The following FHOD3 variants were observed in gnomAD, a reference collection of about 807,000 sequenced individuals.
The protein encoded by FHOD3 is FH1/FH2 domain-containing protein 3.
In FHOD3, 90 loss-of-function variants were observed where a neutral mutation model predicts 173.0. The ratio of observed to expected loss-of-function variants is 0.52; its 90% CI spans 0.44 to 0.62. The LOEUF (loss-of-function observed/expected upper bound fraction) is 0.62. Ranked by LOEUF, FHOD3 falls within the 20% of genes least tolerant of loss-of-function variation. FHOD3 has a pLI of 0.00. For missense variants in FHOD3, 1,945 were observed against 2,034.7 expected (o/e 0.96, Z 0.85); for synonymous variants, 828 against 823.0 (o/e 1.01, Z -0.10).
chr18:36,362,203 A>AC (rs963927577), intron 2 of FHOD3, among the ~76,000 whole-genome samples: 2 of 151,792 alleles, frequency 1.3e-5, no homozygotes, highest in African/African-American at 2.4e-5. Context: ...ATCAGATGTA[A>AC]CCCCCTGGGG....
intron 3 of FHOD3, among the ~76,000 whole-genome samples, chr18:36,387,699 G>A (rs894200062): frequency 2.6e-5 from 4 of 152,174 alleles, no homozygotes; most frequent in African/African-American, 7.2e-5. Flanking sequence ...TGAAATGTGT[G>A]CTAGATACCT....
In FHOD3 at chr18:36,762,889, A is replaced by G. The variant is rs371212797; in HGVS notation, c.4624+2107A>G. On this transcript the variant is annotated intron_variant, in intron 27 of 28. Transcript: ENST00000590592. ...CATAATATATAATATGTTAAATTTT[A>G]TATAATATGTGTATTATACACGTTA... 2.8e-4 allele frequency among the ~76,000 whole-genome samples: 41 copies of G among 147,838 alleles called. No homozygotes were observed. In the South Asian group the frequency reaches 8.6e-3, roughly 31 times the overall value.
intron 20 of FHOD3, among the ~76,000 whole-genome samples, chr18:36,735,757 A>C (rs1046854234): frequency 6.6e-6 from 1 of 152,156 alleles, no homozygotes; most frequent in Admixed American, 6.5e-5. Context: ...TCAACTTTCA[A>C]CTTTGGTCAC....
At chr18:36,649,532 C>A in intron 11 of FHOD3, 127 bp downstream of exon 11, 1 of 611,780 alleles carries the variant, frequency 1.6e-6, no homozygotes, top group Non-Finnish European at 2.7e-6. Flanking sequence ...CTTACTTACC[C>A]TGTTCACAGA....
chr18:36,442,236 T>C (rs1042365846), intron 3 of FHOD3, among the ~76,000 whole-genome samples: 2 of 152,210 alleles, frequency 1.3e-5, no homozygotes, highest in African/African-American at 2.4e-5. Flanking sequence ...TTTAAGTATG[T>C]GGCATTCTTT....
At chr18:36,540,266 A>G (rs968142652) in intron 5 of FHOD3, among the ~76,000 whole-genome samples, 7 of 152,256 alleles carry the variant, frequency 4.6e-5, no homozygotes, top group African/African-American at 1.7e-4. Context: ...GTCAGCACAC[A>G]GAGCAGCCAA....
At chr18:36,777,680 T>C (rs557719861) in intron 28 of FHOD3, 2 of 152,338 alleles carry the variant, frequency 1.3e-5, no homozygotes, top group African/African-American at 4.8e-5. Flanking sequence ...TGCTGCCCCA[T>C]AGAACAAATT....
intron 20 of FHOD3, among the ~76,000 whole-genome samples, chr18:36,737,143 G>A (rs767457819): frequency 6.6e-6 from 1 of 152,234 alleles, no homozygotes; most frequent in Middle Eastern, 3.4e-3. Flanking sequence ...AAATAAAATG[G>A]CAGGTGGCAA....
intron 25 of FHOD3, among the ~76,000 whole-genome samples, chr18:36,757,331 T>C (rs1184662383): frequency 1.3e-5 from 2 of 152,208 alleles, no homozygotes; most frequent in East Asian, 3.9e-4. Context: ...CATTAGGATA[T>C]TGTCCCTTAA....
intron 3 of FHOD3, among the ~76,000 whole-genome samples, chr18:36,465,915 T>G (rs1367027392): frequency 1.3e-5 from 2 of 152,136 alleles, no homozygotes; most frequent in Non-Finnish European, 2.9e-5. Context: ...TTTCGCCTAC[T>G]CAGACTGAGT....
intron 14 of FHOD3, among the ~76,000 whole-genome samples, chr18:36,670,824 TG>T (rs371728418): frequency 7.9e-5 from 12 of 152,202 alleles, no homozygotes; most frequent in African/African-American, 2.9e-4. Flanking sequence ...TGTTCTGGGA[TG>T]GGCTTAACTC....
rs79391910 is a variant in FHOD3, at chr18:36,598,573, G to T, written c.718+3675G>T. The stretch of plus-strand genomic sequence containing the variant: ...TGTTTTTAAATTTTTTTTTTTTTTA[G>T]ACGGAGTCTTGCTGTGTCGCCCAGG... On this transcript the variant is annotated intron_variant, in intron 7 of 28. Coordinates refer to ENST00000590592, the MANE Select transcript of FHOD3 (RefSeq NM_001281740.3). 2.7e-5 allele frequency among the ~76,000 whole-genome samples: 4 copies of T among 150,478 alleles called. No homozygotes were observed. In the South Asian group the frequency reaches 6.3e-4, roughly 24 times the overall value.
chr18:36,507,793 T>A (rs569382276), intron 4 of FHOD3, among the ~76,000 whole-genome samples: 1 of 152,308 alleles, frequency 6.6e-6, no homozygotes, highest in South Asian at 2.1e-4. Context: ...TTATGTCCTC[T>A]TCTTGGACTC....
chr18:36,308,878 T>C (rs2092174937), intron 1 of FHOD3, among the ~76,000 whole-genome samples: 2 of 152,202 alleles, frequency 1.3e-5, no homozygotes, highest in South Asian at 4.1e-4. Context: ...AGCCTTAGCC[T>C]TCAGATCCCT....
chr18:36,378,927 T>C (rs1444482022), intron 3 of FHOD3, among the ~76,000 whole-genome samples: 1 of 152,156 alleles, frequency 6.6e-6, no homozygotes, highest in Non-Finnish European at 1.5e-5. Context: ...TCAGGCGATC[T>C]GCCCACCTCG....
At chr18:36,614,505 G>T (rs1472134762) in intron 9 of FHOD3, among the ~76,000 whole-genome samples, 1 of 152,074 alleles carries the variant, frequency 6.6e-6, no homozygotes, top group East Asian at 1.9e-4. Flanking sequence ...AGTTCTCTTG[G>T]GTTTATACCT....
intron 1 of FHOD3, among the ~76,000 whole-genome samples, chr18:36,307,793 C>T (rs1050849213): frequency 9.2e-5 from 14 of 152,284 alleles, no homozygotes; most frequent in African/African-American, 3.4e-4. Flanking sequence ...CTGTTCCTGT[C>T]ACAGAATGAA....
At chr18:36,665,810 C>T (rs2037143456) in intron 14 of FHOD3, among the ~76,000 whole-genome samples, 2 of 152,122 alleles carry the variant, frequency 1.3e-5, no homozygotes, top group Non-Finnish European at 2.9e-5. Context: ...GGCCTGGGAG[C>T]CACGTAACAC....
intron 27 of FHOD3, among the ~76,000 whole-genome samples, chr18:36,767,916 C>T (rs1205941040): frequency 6.6e-6 from 1 of 151,728 alleles, no homozygotes; most frequent in Non-Finnish European, 1.5e-5. Context: ...TTTCTTGGTT[C>T]ATTCATTACC....
Sources: gnomAD v4.1 joint callset for allele counts (sites outside exome capture counted in the v4.1 genomes callset) on GRCh38, gnomAD v4.1.1 for gene constraint, MANE v1.5 for transcripts, NCBI Gene and HGNC (gene_info 2026-07-23, HGNC 2026-07-21) for gene names.